OPCML: variants seen among roughly 807,000 people sequenced by gnomAD.
The protein encoded by OPCML is opioid binding protein/cell adhesion molecule like.
OPCML carries 13 observed loss-of-function variants against 37.8 expected under a neutral mutation model. The ratio of observed to expected loss-of-function variants is 0.34; its 90% CI spans 0.22 to 0.55. The LOEUF is 0.55. Ranked by LOEUF, OPCML falls within the 20% of genes least tolerant of loss-of-function variation. The pLI is 0.91. For missense variants in OPCML, 341 were observed against 435.6 expected (o/e 0.78, Z 1.93); for synonymous variants, 176 against 168.8 (o/e 1.04, Z -0.33).
chr11:133,073,656 C>A (rs963507343), intron 1 of OPCML, among the ~76,000 whole-genome samples: 5 of 152,226 alleles, frequency 3.3e-5, no homozygotes, highest in African/African-American at 1.2e-4. Flanking sequence ...ATGACAGGCT[C>A]TCAGTAAATA....
In OPCML at chr11:132,612,408, G is replaced by A. The variant is rs148270953; in HGVS notation, c.379+44679C>T. Among the ~76,000 whole-genome samples the A allele has an allele frequency of 7.2e-5, 11 of 152,256 alleles. No individual in the cohort carries two copies. The East Asian group carries it at 2.1e-3, about 29-fold the overall frequency. ...TTTTGTAGACTAAGTGGCATAATGA[G>A]CCAATTCTAGCTCACATTATTTTTC... On this transcript the variant is annotated intron_variant, in intron 3 of 7. Transcript: ENST00000524381.
At chr11:132,674,248 C>T (rs1251595815) in intron 2 of OPCML, among the ~76,000 whole-genome samples, 9 of 152,272 alleles carry the variant, frequency 5.9e-5, no homozygotes, top group Non-Finnish European at 1.2e-4. Flanking sequence ...GCAGAGCGGT[C>T]GAAGCAGAGA....
intron 1 of OPCML, among the ~76,000 whole-genome samples, chr11:133,026,839 C>CT (rs944924404): frequency 6.6e-6 from 1 of 152,100 alleles, no homozygotes; most frequent in African/African-American, 2.4e-5. Flanking sequence ...CTAATGCATT[C>CT]TTTTTTCCTG....
At chr11:132,644,104 G>A (rs1941015170) in intron 3 of OPCML, among the ~76,000 whole-genome samples, 1 of 152,120 alleles carries the variant, frequency 6.6e-6, no homozygotes, top group Non-Finnish European at 1.5e-5. Flanking sequence ...TTTAAAATCT[G>A]TGCTTTCCCC....
At chr11:132,617,050 A>G (rs1939076759) in intron 3 of OPCML, among the ~76,000 whole-genome samples, 1 of 152,238 alleles carries the variant, frequency 6.6e-6, no homozygotes, top group African/African-American at 2.4e-5. Flanking sequence ...TATATGTTGC[A>G]GAAGTATATG....
At chr11:133,459,205 CAAAGA>C (rs1436648716) in intron 1 of OPCML, among the ~76,000 whole-genome samples, 2 of 150,922 alleles carry the variant, frequency 1.3e-5, no homozygotes, top group Non-Finnish European at 3.0e-5. Flanking sequence ...ATAGTAACCA[CAAAGA>C]AAATATTTAT....
At chr11:133,138,984 A>G (rs1262077672) in intron 1 of OPCML, among the ~76,000 whole-genome samples, 3 of 152,236 alleles carry the variant, frequency 2.0e-5, no homozygotes, top group African/African-American at 4.8e-5. Flanking sequence ...TAAAATACTA[A>G]GTACAAGTTA....
intron 2 of OPCML, among the ~76,000 whole-genome samples, chr11:132,723,890 G>A (rs1944770845): frequency 6.6e-6 from 1 of 152,188 alleles, no homozygotes; most frequent in Non-Finnish European, 1.5e-5. Flanking sequence ...AGAGAAGGGG[G>A]TGGAAAATCT....
chr11:132,816,697 C>T (rs1051439211), intron 2 of OPCML, among the ~76,000 whole-genome samples: 1 of 152,094 alleles, frequency 6.6e-6, no homozygotes, highest in African/African-American at 2.4e-5. Flanking sequence ...GTTTTTGGTC[C>T]GTTGTGGGAC....
chr11:133,091,652 C>T (rs1218168620), intron 1 of OPCML, among the ~76,000 whole-genome samples: 1 of 152,190 alleles, frequency 6.6e-6, no homozygotes, highest in East Asian at 1.9e-4. Context: ...TTATTTCCCC[C>T]TATTTCTTCC....
At chr11:133,014,728 G>GAGAA (rs1947287751) in intron 1 of OPCML, among the ~76,000 whole-genome samples, 1 of 152,200 alleles carries the variant, frequency 6.6e-6, no homozygotes, top group Admixed American at 6.5e-5. Flanking sequence ...CAGAAGGAGA[G>GAGAA]AGAAAGAAGT....
At chr11:133,051,387 T>C (rs1948128508) in intron 1 of OPCML, among the ~76,000 whole-genome samples, 1 of 152,176 alleles carries the variant, frequency 6.6e-6, no homozygotes, top group Non-Finnish European at 1.5e-5. Context: ...GTGAAGCAGT[T>C]AGAGTCTGCA....
At chr11:132,908,780 A>G (rs1944327607) in intron 2 of OPCML, among the ~76,000 whole-genome samples, 1 of 152,264 alleles carries the variant, frequency 6.6e-6, no homozygotes, top group African/African-American at 2.4e-5. Flanking sequence ...CTTTCACGTT[A>G]ATAAGTGATG....
Position 133,448,421 on chromosome 11 carries a change from C to A in OPCML, c.61+83843G>T, listed in dbSNP as rs975795218. Among the ~76,000 whole-genome samples the A allele has an allele frequency of 7.2e-5, 11 of 152,180 alleles. No individual in the cohort carries two copies. In the East Asian group the frequency reaches 2.1e-3, roughly 29 times the overall value. On this transcript the variant is annotated intron_variant, in intron 1 of 7. Transcript: ENST00000524381. ...CTACATGTCTAACCTTGTCCCGGTACCACCCTTTATTTATTCCTGTAGAAA... is the reference window on the plus strand; with the variant it reads ...CTACATGTCTAACCTTGTCCCGGTAACACCCTTTATTTATTCCTGTAGAAA...
chr11:133,105,429 G>C (rs537739659), intron 1 of OPCML, among the ~76,000 whole-genome samples: 1 of 152,320 alleles, frequency 6.6e-6, no homozygotes, highest in South Asian at 2.1e-4. Flanking sequence ...AATCATGAAT[G>C]ATAGATGCAT....
intron 4 of OPCML, 34 bp from the exon 5 acceptor site, chr11:132,437,393 G>A (rs755329521): frequency 3.1e-6 from 5 of 1,610,180 alleles, no homozygotes; most frequent in Admixed American, 1.7e-5. Context: ...AAACAATCAG[G>A]AAACTGTGTA....
At chr11:132,813,892 C>T (rs1236527310) in intron 2 of OPCML, among the ~76,000 whole-genome samples, 1 of 152,210 alleles carries the variant, frequency 6.6e-6, no homozygotes, top group Non-Finnish European at 1.5e-5. Flanking sequence ...TGGAAGCCAG[C>T]ATTCCTCACC....
At chr11:133,264,650 C>A (rs1387296588) in intron 1 of OPCML, among the ~76,000 whole-genome samples, 1 of 152,108 alleles carries the variant, frequency 6.6e-6, no homozygotes, top group Non-Finnish European at 1.5e-5. Context: ...TTTATAAGAG[C>A]ACTTAGAAGC....
At chr11:133,462,485 T>C (rs1946880378) in intron 1 of OPCML, among the ~76,000 whole-genome samples, 1 of 152,120 alleles carries the variant, frequency 6.6e-6, no homozygotes, top group South Asian at 2.1e-4. Context: ...ACTACATCTC[T>C]ACAATAAAAA....
Sources: allele counts gnomAD v4.1 joint callset (sites outside exome capture counted in the v4.1 genomes callset), GRCh38; gene constraint gnomAD v4.1.1; transcripts MANE v1.5; gene names NCBI Gene and HGNC (gene_info 2026-07-23, HGNC 2026-07-21).